Variants in C12orf54 observed in about 807,000 individuals in gnomAD.
The protein encoded by C12orf54 is uncharacterized protein C12orf54.
A neutral mutation model predicts 26.4 loss-of-function variants in C12orf54; 24 were observed. The observed-to-expected ratio is 0.91, with a 90% CI of 0.66 to 1.28. C12orf54 has a LOEUF of 1.28. Among genes scored for constraint, C12orf54 ranks in the 50% most tolerant of loss-of-function variants. The probability of loss-of-function intolerance (pLI) is 0.00; values close to 1 mark genes in which losing one functional copy is unlikely to be tolerated. For synonymous variants in C12orf54, 54 were observed against 47.0 expected (o/e 1.15, Z -0.61); for missense variants, 154 against 150.9 (o/e 1.02, Z -0.11).
intron 5 of C12orf54, chr12:48,489,191 G>A (rs985736758): frequency 2.9e-6 from 2 of 681,302 alleles, no homozygotes; most frequent in Admixed American, 2.0e-5. Context: ...AATTGTATCT[G>A]CTAGAACTTG....
At chr12:48,473,799 G>A in the C12orf54 span, among the ~76,000 whole-genome samples, 11 of 152,266 alleles carry the variant, frequency 7.2e-5, no homozygotes, top group African/African-American at 2.6e-4. Context: ...GTCTCAGTTT[G>A]GTTACTCAAC....
the C12orf54 span, among the ~76,000 whole-genome samples, chr12:48,434,511 C>G: frequency 6.6e-6 from 1 of 152,190 alleles, no homozygotes; most frequent in Non-Finnish European, 1.5e-5. Context: ...GAGGCATCCC[C>G]CAGTAGGAGG....
At chr12:48,484,326 A>G (rs186996626) in intron 2 of C12orf54, among the ~76,000 whole-genome samples, 29 of 152,348 alleles carry the variant, frequency 1.9e-4, no homozygotes, top group African/African-American at 6.7e-4. Flanking sequence ...ATCTGGAGGA[A>G]GTTGGGAATC....
chr12:48,472,844 G>A, the C12orf54 span: 3 of 1,613,988 alleles, frequency 1.9e-6, no homozygotes, highest in Non-Finnish European at 2.5e-6. Context: ...TTGCAAACTT[G>A]CCAAAGTTAA....
At chr12:48,428,881 C>G in the C12orf54 span, among the ~76,000 whole-genome samples, 22 of 151,868 alleles carry the variant, frequency 1.4e-4, no homozygotes, top group Admixed American at 1.4e-3. Flanking sequence ...AAACTACATA[C>G]CAATATCCCT....
chr12:48,471,242 C>T, the C12orf54 span, among the ~76,000 whole-genome samples: 3 of 152,120 alleles, frequency 2.0e-5, no homozygotes, highest in Non-Finnish European at 2.9e-5. Flanking sequence ...ATAATAAACT[C>T]CAGTTCCATT....
At chr12:48,490,772 A>G in intron 5 of C12orf54, 40 bp from the exon 6 acceptor site, 1 of 1,611,656 alleles carries the variant, frequency 6.2e-7, no homozygotes, top group East Asian at 2.2e-5. Flanking sequence ...GCAGGAGACC[A>G]GCCCCCATCA....
At chr12:48,427,813 C>G in the C12orf54 span, among the ~76,000 whole-genome samples, 1 of 151,996 alleles carries the variant, frequency 6.6e-6, no homozygotes, top group Non-Finnish European at 1.5e-5. Flanking sequence ...TACCTTGGAA[C>G]AAATGAACTT....
the C12orf54 span, among the ~76,000 whole-genome samples, chr12:48,424,580 T>C: frequency 0.14 from 21,500 of 152,104 alleles, 2,048 homozygotes; most frequent in Non-Finnish European, 0.22. Flanking sequence ...TGGAGAGCAA[T>C]TGAAATCCTC....
chr12:48,484,801 T>A (rs1954239698), intron 2 of C12orf54, among the ~76,000 whole-genome samples: 2 of 152,256 alleles, frequency 1.3e-5, no homozygotes, highest in Admixed American at 1.3e-4. Context: ...CTTGATTTGA[T>A]CATTACATAT....
At chr12:48,491,974 T>C (rs1436295628) in intron 6 of C12orf54, among the ~76,000 whole-genome samples, 1 of 152,118 alleles carries the variant, frequency 6.6e-6, no homozygotes, top group Non-Finnish European at 1.5e-5. Context: ...TGAATCCCAC[T>C]GATTATCAAG....
At chr12:48,477,389 C>T in the C12orf54 span, among the ~76,000 whole-genome samples, 2 of 152,240 alleles carry the variant, frequency 1.3e-5, no homozygotes, top group Admixed American at 1.3e-4. Flanking sequence ...CAAGAAATAA[C>T]AAAGATCAGA....
the C12orf54 span, among the ~76,000 whole-genome samples, chr12:48,434,354 A>G: frequency 6.6e-6 from 1 of 152,164 alleles, no homozygotes; most frequent in Non-Finnish European, 1.5e-5. Flanking sequence ...CAGACAAACA[A>G]AAGACAGCAA....
Position 48,483,241 on chromosome 12 carries a change from G to A in C12orf54, c.-56G>A, listed in dbSNP as rs948438554. On this transcript the variant is annotated splice_region_variant and 5_prime_UTR_variant, in exon 2 of 9. Coordinates refer to ENST00000548364, the MANE Select transcript of C12orf54 (RefSeq NM_152319.4). ...GCATATTCATTTATGCCTCTCCAGG[G>A]CCTGGAGCTATCTCCATCTTCAGCT... 2 of 1,497,690 alleles carry A rather than the reference G, an allele frequency of 1.3e-6. No individual in the cohort carries two copies. Among genetic ancestry groups the A allele is most frequent in the Non-Finnish European group, 1.9e-6 (2 of 1,075,188 alleles). The allele number at this position is 1,497,690 out of a possible 1,614,324, so 92.8% of individuals were successfully genotyped here. A position where few individuals can be genotyped will look rare whatever the true frequency, so the allele number is the denominator to read the frequency against.
At chr12:48,438,581 A>T in the C12orf54 span, among the ~76,000 whole-genome samples, 1 of 152,350 alleles carries the variant, frequency 6.6e-6, no homozygotes, top group African/African-American at 2.4e-5. Flanking sequence ...AACAGAACAG[A>T]GCCCTCAGAA....
the C12orf54 span, among the ~76,000 whole-genome samples, chr12:48,443,363 A>G: frequency 6.6e-6 from 1 of 152,192 alleles, no homozygotes; most frequent in African/African-American, 2.4e-5. Context: ...AGGTGGGAGC[A>G]TGTTTGCTTC....
the C12orf54 span, among the ~76,000 whole-genome samples, chr12:48,445,152 G>A: frequency 2.0e-5 from 3 of 151,742 alleles, no homozygotes; most frequent in East Asian, 5.9e-4. Flanking sequence ...CAGCCTGGGC[G>A]ACAGAGCGAG....
At chr12:48,432,307 T>C in the C12orf54 span, among the ~76,000 whole-genome samples, 4 of 152,152 alleles carry the variant, frequency 2.6e-5, no homozygotes, top group African/African-American at 9.7e-5. Context: ...ACAACCGTAG[T>C]CCTCAATAGA....
chr12:48,453,098 A>G, the C12orf54 span, among the ~76,000 whole-genome samples: 2 of 152,236 alleles, frequency 1.3e-5, no homozygotes, highest in Non-Finnish European at 2.9e-5. Flanking sequence ...CTAAATGCCC[A>G]TCAATGATAG....
Sources: allele counts gnomAD v4.1 joint callset (sites outside exome capture counted in the v4.1 genomes callset), GRCh38; gene constraint gnomAD v4.1.1; transcripts MANE v1.5; gene names NCBI Gene and HGNC (gene_info 2026-07-23, HGNC 2026-07-21).